The following IRS1 variants were observed in gnomAD, a reference collection of about 807,000 sequenced individuals.
The protein encoded by IRS1 is insulin receptor substrate 1.
In IRS1, 34 loss-of-function variants were observed where a neutral mutation model predicts 65.6. The observed-to-expected ratio is 0.52, with a 90% CI of 0.39 to 0.69. The LOEUF (loss-of-function observed/expected upper bound fraction) is 0.69. Ranked by LOEUF, IRS1 falls within the 30% of genes least tolerant of loss-of-function variation. The pLI is 0.00. For synonymous variants in IRS1, 699 were observed against 683.5 expected (o/e 1.02, Z -0.35); for missense variants, 1,641 against 1,720.2 (o/e 0.95, Z 0.81).
chr2:226,782,551 C>T (rs1939403408), intron 1 of IRS1, among the ~76,000 whole-genome samples: 1 of 152,216 alleles, frequency 6.6e-6, no homozygotes, highest in Non-Finnish European at 1.5e-5. Flanking sequence ...CAGCGCCCTG[C>T]ACCAGTTCTC....
At chr2:226,789,730 G>A (rs913706696) in intron 1 of IRS1, among the ~76,000 whole-genome samples, 1 of 152,170 alleles carries the variant, frequency 6.6e-6, no homozygotes, top group Non-Finnish European at 1.5e-5. Context: ...TCTGAGAGCT[G>A]ACCTTAGGAT....
intron 1 of IRS1, among the ~76,000 whole-genome samples, chr2:226,748,293 G>C (rs1036414850): frequency 6.6e-6 from 1 of 151,700 alleles, no homozygotes; most frequent in Non-Finnish European, 1.5e-5. Flanking sequence ...GTCAGGCATG[G>C]TGGTGCACAT....
chr2:226,768,183 T>C (rs1939092783), intron 1 of IRS1, among the ~76,000 whole-genome samples: 1 of 152,200 alleles, frequency 6.6e-6, no homozygotes, highest in Non-Finnish European at 1.5e-5. Flanking sequence ...GCTCAGTCAC[T>C]GCCTCCTTTC....
chr2:226,796,388 G>A lies in IRS1; in HGVS notation c.2351C>T (p.Ala784Val). 6.2e-7 allele frequency: 1 copy of A among 1,613,272 alleles called. No homozygotes were observed. Among genetic ancestry groups the A allele is most frequent in the Non-Finnish European group, 8.5e-7 (1 of 1,180,026 alleles). Residue 784 changes from alanine to valine, a missense_variant, in exon 1 of 2, where the codon GCC (alanine) becomes GTC (valine). Transcript: ENST00000305123. ...GGAAAGGCGGAGGTGCTGATGCCGGGCACCCTCCTCCGGCTCCCCGGGGCG... is the reference window on the plus strand; with the variant it reads ...GGAAAGGCGGAGGTGCTGATGCCGGACACCCTCCTCCGGCTCCCCGGGGCG... Reference protein sequence around the residue: ...TQRPGEPEEGARHQHLRLSTS... With the variant: ...TQRPGEPEEGVRHQHLRLSTS...
rs1939814264 is a variant in IRS1, at chr2:226,798,684, G to A, written c.55C>T (p.Leu19=). ...TTGTGCATGCTCTTGGGTTTGCGCA[G>A]GTAGCCCACCTTGCGCACGTCCGAG... ...GFSDVRKVGY[L]RKPKSMHKRF... Residue 19 remains leucine (L), a synonymous_variant, in exon 1 of 2, where the codon CTG becomes TTG. Transcript: ENST00000305123. The surrounding 1 kb of genome is among the most constrained non-coding windows in gnomAD (Gnocchi z 9.4). The A allele has an allele frequency of 3.1e-6, 5 of 1,613,112 alleles. No homozygotes were observed. Among genetic ancestry groups the A allele is most frequent in the South Asian group, 2.2e-5 (2 of 91,080 alleles).
chr2:226,779,102 C>T (rs1312403827), intron 1 of IRS1, among the ~76,000 whole-genome samples: 3 of 152,212 alleles, frequency 2.0e-5, no homozygotes, highest in Admixed American at 6.5e-5. Context: ...AACCAGAATG[C>T]TCTCTCATGA....
At chr2:226,772,772 C>T (rs1248977781) in intron 1 of IRS1, among the ~76,000 whole-genome samples, 1 of 151,776 alleles carries the variant, frequency 6.6e-6, no homozygotes, top group Non-Finnish European at 1.5e-5. Context: ...AAACCTAAAG[C>T]TTATCATGCT....
At chr2:226,758,091 A>T (rs1938841929) in intron 1 of IRS1, among the ~76,000 whole-genome samples, 1 of 152,324 alleles carries the variant, frequency 6.6e-6, no homozygotes, top group East Asian at 1.9e-4. Flanking sequence ...AGACAAAAAA[A>T]TGGATTAAAA....
rs1242271792 is a variant in IRS1 at position 226,796,647 on chromosome 2, G to C, written c.2092C>G (p.Leu698Val). The C allele has an allele frequency of 6.2e-7, 1 of 1,613,920 alleles. No homozygotes were observed. Among genetic ancestry groups the C allele is most frequent in the East Asian group, 2.2e-5 (1 of 44,862 alleles). Reference sequence around the variant, plus strand: ...TGGCCCCCTACCCCGTTTGTCCACAGCTTTCCATAGCTGGTCCCGGAAGGG... The same window carrying C: ...TGGCCCCCTACCCCGTTTGTCCACACCTTTCCATAGCTGGTCCCGGAAGGG... ...AVPSGTSYGK[L>V]WTNGVGGHHS... Residue 698 changes from leucine (L) to valine (V), a missense_variant, in exon 1 of 2, where the codon CTG becomes GTG. Leu to Val is a conservative substitution (Grantham distance 32, BLOSUM62 1). This residue lies in a region of IRS1 where 1,324 missense variants were observed against 1,361.0 expected (regional missense o/e 0.97). Coordinates refer to ENST00000305123, the MANE Select transcript of IRS1 (RefSeq NM_005544.3).
At chr2:226,748,792 A>AC (rs1408700372) in intron 1 of IRS1, among the ~76,000 whole-genome samples, 1 of 152,184 alleles carries the variant, frequency 6.6e-6, no homozygotes, top group Non-Finnish European at 1.5e-5. Flanking sequence ...AAAACAGCAA[A>AC]GGGGGGATGC....
chr2:226,799,016 G>A lies in IRS1; in HGVS notation c.-278C>T. The A allele has an allele frequency of 2.1e-6, 3 of 1,410,704 alleles. No homozygotes were observed. The highest frequency in any genetic ancestry group is 2.8e-6 in the Non-Finnish European group (3 of 1,077,406). 87.4% of individuals were successfully genotyped at this position (1,410,704 alleles called of 1,614,324 possible). A position where few individuals can be genotyped will look rare whatever the true frequency, so the allele number is the denominator to read the frequency against. The stretch of plus-strand genomic sequence containing the variant: ...GGTGAGGGCAGCCCCGATCCTCCGA[G>A]AGCCAAGTCTCCTCTCAGCCGCCGC... On this transcript the variant is annotated 5_prime_UTR_variant, in exon 1 of 2. Coordinates refer to ENST00000305123, the MANE Select transcript of IRS1 (RefSeq NM_005544.3). This position sits in a 1 kb window ranked among gnomAD's most constrained non-coding sequence, Gnocchi z 6.1.
chr2:226,798,799 G>C lies in IRS1; in HGVS notation c.-61C>G, dbSNP rs1445847952. The C allele has an allele frequency of 3.2e-6, 5 of 1,565,430 alleles. No homozygotes were observed. The highest frequency in any genetic ancestry group is 4.3e-6 in the Non-Finnish European group (5 of 1,156,246). On this transcript the variant is annotated 5_prime_UTR_variant, in exon 1 of 2. Transcript: ENST00000305123. The surrounding 1 kb of genome is among the most constrained non-coding windows in gnomAD (Gnocchi z 9.4). ...GGCTCCGAAAAACAACCGGGTGGGG[G>C]GCGGAGGCTCCTCGCCGCGGCCCGG...
In IRS1 at chr2:226,797,001, G is replaced by A. The variant is rs144912682; in HGVS notation, c.1738C>T (p.Arg580Cys). Residue 580 changes from arginine (R) to cysteine (C), a missense_variant, in exon 1 of 2, where the codon CGC (arginine) becomes TGC (cysteine). By Grantham distance (180) the Arg-to-Cys change is radical. This residue lies in a region of IRS1 where 1,324 missense variants were observed against 1,361.0 expected (regional missense o/e 0.97). Coordinates refer to ENST00000305123, the MANE Select transcript of IRS1 (RefSeq NM_005544.3). The surrounding 1 kb of genome is among the most constrained non-coding windows in gnomAD (Gnocchi z 8.1). ...GHRHSAFVPT[R>C]SYPEEGLEMH... Reference sequence around the variant, plus strand: ...TCCAGACCCTCCTCTGGGTAGGAGCGGGTGGGCACGAAGGCGGAGTGCCTG... The same window carrying A: ...TCCAGACCCTCCTCTGGGTAGGAGCAGGTGGGCACGAAGGCGGAGTGCCTG... 3.4e-5 allele frequency: 54 copies of A among 1,599,174 alleles called. No individual in the cohort carries two copies. Among genetic ancestry groups the A allele is most frequent in the East Asian group, 6.7e-5 (3 of 44,634 alleles).
At chr2:226,774,519 A>T (rs1299745243) in intron 1 of IRS1, among the ~76,000 whole-genome samples, 2 of 152,228 alleles carry the variant, frequency 1.3e-5, no homozygotes, top group South Asian at 4.1e-4. Context: ...GAGGAAAATG[A>T]TGTAAAAAAA....
chr2:226,783,584 T>C (rs1270305065), intron 1 of IRS1, among the ~76,000 whole-genome samples: 1 of 152,196 alleles, frequency 6.6e-6, no homozygotes, highest in African/African-American at 2.4e-5. Context: ...AAAAGTAGTA[T>C]GAAGGAAATC....
intron 1 of IRS1, among the ~76,000 whole-genome samples, chr2:226,769,468 G>A (rs548353889): frequency 6.6e-6 from 1 of 152,324 alleles, no homozygotes; most frequent in African/African-American, 2.4e-5. Flanking sequence ...ATGCAGGCCT[G>A]CAGCACCCCA....
rs755078884 is a variant in IRS1, at chr2:226,797,636, G to C, written c.1103C>G (p.Pro368Arg). ...RHRGSARLHP[P>R]LNHSRSIPMP... ...GGGGATGGAGCGGCTGTGGTTGAGC[G>C]GGGGGTGCAGCCGGGCGCTGCCCCG... Residue 368 changes from proline (P) to arginine (R), a missense_variant, in exon 1 of 2, where the codon CCG becomes CGG. This residue lies in a region of IRS1 where 1,324 missense variants were observed against 1,361.0 expected (regional missense o/e 0.97). Transcript: ENST00000305123. The surrounding 1 kb of genome is among the most constrained non-coding windows in gnomAD (Gnocchi z 8.1). 5.0e-6 allele frequency: 8 copies of C among 1,588,954 alleles called. No homozygotes were observed. Among genetic ancestry groups the C allele is most frequent in the East Asian group, 2.2e-5 (1 of 44,768 alleles).
chr2:226,749,691 C>T (rs1276444217), intron 1 of IRS1, among the ~76,000 whole-genome samples: 2 of 152,106 alleles, frequency 1.3e-5, no homozygotes, highest in Admixed American at 1.3e-4. Flanking sequence ...GAAAACTGAA[C>T]AAAAATTCAA....
intron 1 of IRS1, among the ~76,000 whole-genome samples, chr2:226,793,238 A>G (rs1173422941): frequency 6.6e-6 from 1 of 152,254 alleles, no homozygotes; most frequent in Non-Finnish European, 1.5e-5. Flanking sequence ...ATGACAAGTA[A>G]GAAAAACTTA....
Sources: allele counts gnomAD v4.1 joint callset (sites outside exome capture counted in the v4.1 genomes callset), GRCh38; gene constraint gnomAD v4.1.1; regional missense constraint gnomAD v4.1.1; non-coding constraint Gnocchi (gnomAD v3.1); transcripts MANE v1.5; gene names NCBI Gene and HGNC (gene_info 2026-07-23, HGNC 2026-07-21).